The following OTOF variants were observed in gnomAD, a reference collection of about 807,000 sequenced individuals.
OTOF encodes otoferlin.
Under a neutral mutation model 236.8 loss-of-function variants are expected in OTOF, and 218 were observed. That is an observed-to-expected ratio of 0.92 (90% CI 0.82 to 1.03). OTOF has a LOEUF of 1.03. OTOF is among the 50% of genes least tolerant of loss of function. OTOF has a pLI of 0.00. For synonymous variants in OTOF, 1,041 were observed against 1,072.5 expected, an observed-to-expected ratio of 0.97 and a Z score of 0.57; for missense variants, 2,590 against 2,694.4, an observed-to-expected ratio of 0.96 and a Z score of 0.86.
Position 26,473,076 on chromosome 2 carries a change from G to C in OTOF, c.3733+56C>G, listed in dbSNP as rs1440805202. 2.6e-6 allele frequency: 4 copies of C among 1,555,566 alleles called. No homozygotes were observed. The African/African-American group carries it at 4.1e-5, about 16-fold the overall frequency. The stretch of plus-strand genomic sequence containing the variant: ...GGCTTGGACTGGGCGGAGACCTGGA[G>C]CCCTTCCCTGGGGGGCGTGGAGCCA... On this transcript the variant is annotated intron_variant, in intron 29 of 46. Transcript: ENST00000272371. This position sits in a 1 kb window ranked among gnomAD's most constrained non-coding sequence, Gnocchi z 7.2.
chr2:26,522,183 C>G (rs1445845016), intron 3 of OTOF, among the ~76,000 whole-genome samples: 1 of 152,162 alleles, frequency 6.6e-6, no homozygotes, highest in South Asian at 2.1e-4. Context: ...TAACTCCTAA[C>G]AGTTCACCCC....
chr2:26,483,114 C>T (rs1020989996), intron 13 of OTOF, among the ~76,000 whole-genome samples: 1 of 123,906 alleles, frequency 8.1e-6, no homozygotes, highest in Non-Finnish European at 1.7e-5. Flanking sequence ...CGTGGGTGCA[C>T]GTGTGCACGG....
chr2:26,516,626 AG>A, intron 4 of OTOF, 27 bp from the exon 5 acceptor site: 1 of 1,600,152 alleles, frequency 6.2e-7, no homozygotes, highest in Non-Finnish European at 8.5e-7. Context: ...GGTGGTGAGC[AG>A]CTGGGATGGT....
intron 9 of OTOF, among the ~76,000 whole-genome samples, chr2:26,493,719 G>A (rs1175979366): frequency 3.3e-5 from 5 of 152,126 alleles, no homozygotes; most frequent in African/African-American, 1.2e-4. Flanking sequence ...TTTGTTATTG[G>A]GAAATCGAAA....
At position 26,473,846 on chromosome 2, in the gene OTOF, G is replaced by C; in HGVS notation, c.3408+145C>G. The C allele has an allele frequency of 1.8e-6, 2 of 1,122,224 alleles. No homozygotes were observed. The highest frequency in any genetic ancestry group is 2.6e-5 in the South Asian group (2 of 77,782). 69.5% of individuals were successfully genotyped at this position (1,122,224 alleles called of 1,614,324 possible). ...CATGGGAGTGCGACTTGGTGCAGAT[G>C]GGGGCAGGCCCTGGGCTGGGGCAGG... On this transcript the variant is annotated intron_variant, in intron 27 of 46. Transcript: ENST00000272371. The surrounding 1 kb of genome is among the most constrained non-coding windows in gnomAD (Gnocchi z 7.2).
chr2:26,486,629 G>A (rs548134099), intron 11 of OTOF, among the ~76,000 whole-genome samples: 2 of 152,214 alleles, frequency 1.3e-5, no homozygotes, highest in Non-Finnish European at 2.9e-5. Context: ...AGGTTACAGG[G>A]TGACAGATTT....
rs551210501 is a variant in OTOF, at chr2:26,551,270, C to G, written c.79+7223G>C. ...CCTCCCAAAGTGCTGGGATTACAGG[C>G]GTGAGCCACCATGCCCAGCCCTTTC... On this transcript the variant is annotated intron_variant, in intron 1 of 46. Transcript: ENST00000272371. 9.8e-4 allele frequency among the ~76,000 whole-genome samples: 149 copies of G among 152,354 alleles called. 1 individual carries two copies. The highest frequency in any genetic ancestry group is 1.7e-3 in the Non-Finnish European group (118 of 68,044).
Position 26,482,522 on chromosome 2 carries a change from A to C in OTOF, c.1463T>G (p.Phe488Cys). The C allele has an allele frequency of 6.2e-7, 1 of 1,613,282 alleles. No homozygotes were observed. The highest frequency in any genetic ancestry group is 8.5e-7 in the Non-Finnish European group (1 of 1,179,954). The change falls in exon 14 of 47, where the codon TTC becomes TGC. Residue 488 changes from phenylalanine to cysteine, a missense_variant. Phe to Cys is a radical substitution (Grantham distance 205). This residue lies in a region of OTOF where 1,379 missense variants were observed against 1,341.6 expected (regional missense o/e 1.03). Transcript: ENST00000272371. Reference sequence around the variant, plus strand: ...CTTCATGCGTTTGCAGAGTGGGGGGAAGAGGTCTGTAAAGACGACCTGCTC... The same window carrying C: ...CTTCATGCGTTTGCAGAGTGGGGGGCAGAGGTCTGTAAAGACGACCTGCTC... The part of the protein sequence containing the change: ...WNEQVVFTDL[F>C]PPLCKRMKVQ...
At chr2:26,557,354 T>A (rs912240694) in intron 1 of OTOF, among the ~76,000 whole-genome samples, 3 of 152,160 alleles carry the variant, frequency 2.0e-5, no homozygotes, top group Non-Finnish European at 4.4e-5. Context: ...GAAGGGGCCA[T>A]GTCTAGTGAG....
Position 26,461,494 on chromosome 2 carries a change from G to A in OTOF, c.5533+202C>T, listed in dbSNP as rs1444895528. 6.6e-6 allele frequency among the ~76,000 whole-genome samples: 1 copy of A among 151,998 alleles called. No individual in the cohort carries two copies. Among genetic ancestry groups the A allele is most frequent in the Admixed American group, 6.5e-5 (1 of 15,268 alleles). On this transcript the variant is annotated intron_variant, in intron 43 of 46. Transcript: ENST00000272371. This position sits in a 1 kb window ranked among gnomAD's most constrained non-coding sequence, Gnocchi z 6.2. ...GTGTCCAAAGCTTGTTGTCAGCCTGGTTATGACACTGAGAACATCTGCCTA... is the reference window on the plus strand; with the variant it reads ...GTGTCCAAAGCTTGTTGTCAGCCTGATTATGACACTGAGAACATCTGCCTA...
At chr2:26,557,340 G>A (rs555443145) in intron 1 of OTOF, among the ~76,000 whole-genome samples, 5 of 152,268 alleles carry the variant, frequency 3.3e-5, no homozygotes, top group South Asian at 4.1e-4. Context: ...CCCCTCTCTC[G>A]GGAGAAGGGG....
At chr2:26,481,944 TCTCA>T (rs1383962585) in intron 14 of OTOF, among the ~76,000 whole-genome samples, 1 of 152,152 alleles carries the variant, frequency 6.6e-6, no homozygotes. Flanking sequence ...TAGATTCTTA[TCTCA>T]CTCTATGTCC....
intron 46 of OTOF, 91 bp downstream of exon 46, chr2:26,459,917 T>A: frequency 8.1e-7 from 1 of 1,232,914 alleles, no homozygotes; most frequent in East Asian, 2.5e-5. Flanking sequence ...TGTATGCATA[T>A]TTGTGTTTGT....
chr2:26,491,031 G>A (rs935172892), intron 9 of OTOF, among the ~76,000 whole-genome samples: 3 of 152,118 alleles, frequency 2.0e-5, no homozygotes. Flanking sequence ...AGATACCTGG[G>A]GAGAGCATGG....
chr2:26,483,688 A>G lies in OTOF; in HGVS notation c.1206-40T>C, dbSNP rs767265628. 5 of 1,588,154 alleles carry G rather than the reference A, an allele frequency of 3.1e-6. No homozygotes were observed. The South Asian group carries it at 4.5e-5, about 14-fold the overall frequency. ...AGCCAGGGCCATGGTCACCAGGTCC[A>G]GGTCCCCAACCCCCATCCTGGCATC... On this transcript the variant is annotated intron_variant, in intron 12 of 46. Coordinates refer to ENST00000272371, the MANE Select transcript of OTOF (RefSeq NM_194248.3).
intron 11 of OTOF, among the ~76,000 whole-genome samples, chr2:26,484,949 C>G (rs1572441265): frequency 6.6e-6 from 1 of 152,210 alleles, no homozygotes; most frequent in East Asian, 1.9e-4. Context: ...AGTCAGCCAG[C>G]CTTCACATAG....
At chr2:26,546,386 G>A (rs571232346) in intron 1 of OTOF, among the ~76,000 whole-genome samples, 2 of 152,126 alleles carry the variant, frequency 1.3e-5, no homozygotes, top group East Asian at 1.9e-4. Flanking sequence ...GCTTGAACCC[G>A]GGAGGTGGAG....
intron 33 of OTOF, among the ~76,000 whole-genome samples, chr2:26,468,029 T>C (rs898001686): frequency 3.9e-5 from 6 of 152,248 alleles, no homozygotes; most frequent in African/African-American, 1.4e-4. Flanking sequence ...CAAAACAAGC[T>C]GTTTCAATCA....
chr2:26,475,649 T>C (rs1318674656), intron 24 of OTOF, among the ~76,000 whole-genome samples, 156 bp from the exon 25 acceptor site: 1 of 152,134 alleles, frequency 6.6e-6, no homozygotes, highest in East Asian at 1.9e-4. Context: ...AAGGCTAATA[T>C]GAGGTTTGGC....
Sources: gnomAD v4.1 joint callset for allele counts (sites outside exome capture counted in the v4.1 genomes callset) on GRCh38, gnomAD v4.1.1 for gene constraint, gnomAD v4.1.1 regional missense constraint, Gnocchi (gnomAD v3.1) non-coding constraint, MANE v1.5 for transcripts, NCBI Gene and HGNC (gene_info 2026-07-23, HGNC 2026-07-21) for gene names.